Variants in RADIL observed in about 807,000 individuals in gnomAD.
RADIL encodes the protein Rap associating with DIL domain, also known as ras-associating and dilute domain-containing protein.
In RADIL, 99 loss-of-function variants were observed where a neutral mutation model predicts 97.6. The ratio of observed to expected loss-of-function variants is 1.01; its 90% CI spans 0.86 to 1.20. The LOEUF (loss-of-function observed/expected upper bound fraction) is 1.20. RADIL is among the 50% of genes most tolerant of loss of function. The pLI, the probability that RADIL is intolerant of heterozygous loss-of-function variation, is 0.00. For missense variants in RADIL, 1,765 were observed against 1,498.9 expected (o/e 1.18, Z -2.93); for synonymous variants, 803 against 691.8 (o/e 1.16, Z -2.52).
Position 4,802,098 on chromosome 7 carries a change from G to A in RADIL, c.2500-103C>T, listed in dbSNP as rs574483838. The A allele has an allele frequency of 1.2e-5, 12 of 974,518 alleles. No homozygotes were observed. The East Asian group carries it at 2.4e-4, about 19-fold the overall frequency. The allele number at this position is 974,518 out of a possible 1,614,324, so 60.4% of individuals were successfully genotyped here. A position where few individuals can be genotyped will look rare whatever the true frequency, so the allele number is the denominator to read the frequency against. ...AGCAGAAGGGCCGCCAGGCCGCGGG[G>A]CAGAGGTCAGCAAAGGACTCCCGCA... On this transcript the variant is annotated intron_variant, in intron 11 of 14. Transcript: ENST00000399583.
At chr7:4,799,808 A>T in intron 13 of RADIL, 39 bp from the exon 14 acceptor site, 2 of 1,466,572 alleles carry the variant, frequency 1.4e-6, no homozygotes, top group Non-Finnish European at 1.8e-6. Context: ...CGCAGGCCCG[A>T]CTGGCTGTCC....
At chr7:4,838,712 G>A (rs868826721) in intron 2 of RADIL, among the ~76,000 whole-genome samples, 1 of 152,236 alleles carries the variant, frequency 6.6e-6, no homozygotes, top group Non-Finnish European at 1.5e-5. Flanking sequence ...ACGAGGGGCC[G>A]GAGGTGAGGC....
chr7:4,803,638 C>A lies in RADIL; in HGVS notation c.2407G>T (p.Val803Phe). 1 of 1,550,044 alleles carries A rather than the reference C, an allele frequency of 6.5e-7. No individual in the cohort carries two copies. Residue 803 changes from valine to phenylalanine, a missense_variant, in exon 11 of 15, where the codon GTC (valine) becomes TTC (phenylalanine). By Grantham distance (50) the Val-to-Phe change is conservative. Transcript: ENST00000399583. ...DDSIYQHLLY[V>F]RHFLWGLRSR... ...CGCAGACCCCACAGAAAGTGGCGGA[C>A]GTAGAGCAGGTGCTGGTAGATGCTG... is the stretch of plus-strand genomic sequence containing the variant.
chr7:4,801,464 T>C (rs1260804340), intron 12 of RADIL, among the ~76,000 whole-genome samples, 189 bp downstream of exon 12: 2 of 152,220 alleles, frequency 1.3e-5, no homozygotes, highest in African/African-American at 2.4e-5. Flanking sequence ...TGAGCGACCG[T>C]GTGGCCCAGC....
intron 10 of RADIL, 171 bp downstream of exon 10, chr7:4,805,395 G>A: frequency 1.4e-6 from 1 of 724,416 alleles, no homozygotes; most frequent in South Asian, 4.8e-5. Context: ...CCCCAGGTTG[G>A]GGATGGGGCG....
Position 4,813,002 on chromosome 7 carries a change from C to G in RADIL, c.2139+2276G>C, listed in dbSNP as rs79368996. Reference sequence around the variant, plus strand: ...TTCATTGTTGCCAATGAACTTAATGCTGAGTTGGGGTTGGCAAGCTTTTGG... The same window carrying G: ...TTCATTGTTGCCAATGAACTTAATGGTGAGTTGGGGTTGGCAAGCTTTTGG... On this transcript the variant is annotated intron_variant, in intron 9 of 14. Transcript: ENST00000399583. This position sits in a 1 kb window ranked among gnomAD's most constrained non-coding sequence, Gnocchi z 5.0. 2.6e-5 allele frequency among the ~76,000 whole-genome samples: 4 copies of G among 152,246 alleles called. No homozygotes were observed. The East Asian group carries it at 7.7e-4, about 29-fold the overall frequency.
At chr7:4,804,773 G>C (rs184043014) in intron 10 of RADIL, among the ~76,000 whole-genome samples, 21 of 147,110 alleles carry the variant, frequency 1.4e-4, no homozygotes, top group African/African-American at 5.1e-4. Context: ...GTGACAGAGT[G>C]AGACTCTGTC....
intron 10 of RADIL, among the ~76,000 whole-genome samples, chr7:4,804,814 G>A (rs117760366): frequency 0.018 from 2,750 of 151,070 alleles, 37 homozygotes; most frequent in Middle Eastern, 0.052. Flanking sequence ...AGGCACCCTC[G>A]GCCAGGCACG....
rs1056398263 is a variant in RADIL, at chr7:4,818,183, G to A, written c.1616-832C>T. On this transcript the variant is annotated intron_variant, in intron 6 of 14. Transcript: ENST00000399583. The surrounding 1 kb of genome is among the most constrained non-coding windows in gnomAD (Gnocchi z 7.1). Reference sequence around the variant, plus strand: ...TTCTTCCAGGAGGGGCAGAGGGGCCGCATCGTGGGGGCTGCCTGTCCAGGC... The same window carrying A: ...TTCTTCCAGGAGGGGCAGAGGGGCCACATCGTGGGGGCTGCCTGTCCAGGC... Among the ~76,000 whole-genome samples the A allele has an allele frequency of 2.6e-5, 4 of 152,220 alleles. No individual in the cohort carries two copies. Among genetic ancestry groups the A allele is most frequent in the South Asian group, 2.1e-4 (1 of 4,836 alleles).
In RADIL at chr7:4,878,911, G is replaced by A. The variant is rs555816907; in HGVS notation, c.-64-708C>T. Among the ~76,000 whole-genome samples the A allele has an allele frequency of 1.3e-5, 2 of 152,244 alleles. No homozygotes were observed. Among genetic ancestry groups the A allele is most frequent in the African/African-American group, 4.8e-5 (2 of 41,466 alleles). ...TGTCTCCTACCCCACAGGCTGCGAC[G>A]TGGGAAATGGGTCACAAACACAGTG... is the stretch of plus-strand genomic sequence containing the variant. On this transcript the variant is annotated intron_variant, in intron 1 of 14. Coordinates refer to ENST00000399583, the MANE Select transcript of RADIL (RefSeq NM_018059.5). The surrounding 1 kb of genome is among the most constrained non-coding windows in gnomAD (Gnocchi z 4.1).
intron 10 of RADIL, among the ~76,000 whole-genome samples, chr7:4,805,053 C>T (rs1057508455): frequency 1.3e-5 from 2 of 152,124 alleles, no homozygotes; most frequent in African/African-American, 4.8e-5. Flanking sequence ...GAGATTGCAC[C>T]ACTGCACTCC....
intron 1 of RADIL, among the ~76,000 whole-genome samples, chr7:4,881,101 TAAAAAAAAAAAAAAAA>T (rs58900044): frequency 1.1e-4 from 6 of 55,222 alleles, no homozygotes; most frequent in Admixed American, 3.1e-4. Context: ...CCCTCTCTGT[TAAAAAAAAAAAAAAAA>T]AAAAAAAAAA....
At chr7:4,831,483 A>G (rs544037034) in intron 5 of RADIL, among the ~76,000 whole-genome samples, 1 of 151,962 alleles carries the variant, frequency 6.6e-6, no homozygotes, top group Non-Finnish European at 1.5e-5. Context: ...AGCCCGCACG[A>G]CATAAGTTTA....
rs113342620 is a variant in RADIL, at chr7:4,872,151, C to T, written c.535+5454G>A. 0.027 allele frequency among the ~76,000 whole-genome samples: 4,075 copies of T among 152,208 alleles called. 99 individuals carry two copies. Among genetic ancestry groups the T allele is most frequent in the Non-Finnish European group, 0.036 (2,449 of 67,996 alleles). On this transcript the variant is annotated intron_variant, in intron 2 of 14. Transcript: ENST00000399583. This position sits in a 1 kb window ranked among gnomAD's most constrained non-coding sequence, Gnocchi z 5.8. ...GCCATATGGTCCCAGTGGGCAGGGG[C>T]TCGTGTGGCCGAGTCCAGGCAGCCA... is the stretch of plus-strand genomic sequence containing the variant.
chr7:4,824,562 GCTCT>G lies in RADIL; in HGVS notation c.1455-2012_1455-2009del, dbSNP rs142568376. Among the ~76,000 whole-genome samples, 6,799 of 152,308 alleles carry G rather than the reference GCTCT, an allele frequency of 0.045. 252 individuals are homozygous for G. Among genetic ancestry groups the G allele is most frequent in the African/African-American group, 0.1 (4,192 of 41,548 alleles). ...CTCCCCGGTACCCAAAGTGTTGCCT[GCTCT>G]CTCTGACGTCACTTCACTTTTGTCC... is the stretch of plus-strand genomic sequence containing the variant. On this transcript the variant is annotated intron_variant, in intron 5 of 14. Transcript: ENST00000399583. The surrounding 1 kb of genome is among the most constrained non-coding windows in gnomAD (Gnocchi z 6.7).
Position 4,815,215 on chromosome 7 carries a change from A to G in RADIL, c.2139+63T>C. ...GGCCCCCAGGCTTGGTTTGTGAGCC[A>G]GGGACCCACAGCATGTGGCCCCGCC... On this transcript the variant is annotated intron_variant, in intron 9 of 14. Transcript: ENST00000399583. This position sits in a 1 kb window ranked among gnomAD's most constrained non-coding sequence, Gnocchi z 8.0. 1 of 1,446,198 alleles carries G rather than the reference A, an allele frequency of 6.9e-7. No individual in the cohort carries two copies. The highest frequency in any genetic ancestry group is 9.1e-7 in the Non-Finnish European group (1 of 1,093,228). The allele number at this position is 1,446,198 out of a possible 1,614,324, so 89.6% of individuals were successfully genotyped here.
intron 2 of RADIL, chr7:4,862,035 T>G: frequency 2.5e-6 from 1 of 397,426 alleles, no homozygotes; most frequent in Non-Finnish European, 4.5e-6. Context: ...GAACCTACCG[T>G]ACACGCGCGG....
intron 2 of RADIL, chr7:4,862,059 C>T (rs938031620): frequency 2.1e-5 from 8 of 381,788 alleles, no homozygotes; most frequent in South Asian, 1.4e-4. Context: ...CCTGCGCACC[C>T]GCCGCCAGCG....
chr7:4,809,074 CGCGTCTCCTGTA>C, intron 9 of RADIL: 1 of 982,612 alleles, frequency 1.0e-6, no homozygotes, highest in Non-Finnish European at 1.2e-6. Context: ...ACTGCCCCTC[CGCGTCTCCTGTA>C]GACGCTCTGC....
Sources: gnomAD v4.1 joint callset for allele counts (sites outside exome capture counted in the v4.1 genomes callset) on GRCh38, gnomAD v4.1.1 for gene constraint, Gnocchi (gnomAD v3.1) non-coding constraint, MANE v1.5 for transcripts, NCBI Gene and HGNC (gene_info 2026-07-23, HGNC 2026-07-21) for gene names.